SPATA6L: variants seen among roughly 807,000 people sequenced by gnomAD.
The protein encoded by SPATA6L is spermatogenesis associated 6 like.
SPATA6L carries 68 observed loss-of-function variants against 49.2 expected under a neutral mutation model. The ratio of observed to expected loss-of-function variants is 1.38; its 90% CI spans 1.14 to 1.69. SPATA6L has a LOEUF of 1.69. Among genes scored for constraint, SPATA6L ranks in the 40% most tolerant of loss-of-function variants. SPATA6L has a pLI of 0.00. For missense variants in SPATA6L, 668 were observed against 464.3 expected, an observed-to-expected ratio of 1.44 and a Z score of -4.03; for synonymous variants, 198 against 165.7, an observed-to-expected ratio of 1.19 and a Z score of -1.50.
At chr9:4,592,654 T>C (rs765451858) in intron 13 of SPATA6L, among the ~76,000 whole-genome samples, 1 of 152,212 alleles carries the variant, frequency 6.6e-6, no homozygotes, top group Non-Finnish European at 1.5e-5. Context: ...ATCTAAAATG[T>C]TCAAAGCAGA....
In SPATA6L at chr9:4,606,217, G is replaced by C. The variant is rs567977014; in HGVS notation, c.996-777C>G. 5.4e-4 allele frequency among the ~76,000 whole-genome samples: 80 copies of C among 149,506 alleles called. No homozygotes were observed. In the South Asian group the frequency reaches 6.0e-3, roughly 11 times the overall value. ...CAAACTGCAAGGCGGCAGCGAGGCT[G>C]GGGGAGGGGCGCCCGCCATTGCCCA... On this transcript the variant is annotated intron_variant, in intron 9 of 11. Coordinates refer to ENST00000682582, the MANE Select transcript of SPATA6L (RefSeq NM_001353486.2).
intron 9 of SPATA6L, among the ~76,000 whole-genome samples, chr9:4,609,493 A>G (rs1049005166): frequency 6.6e-6 from 1 of 152,186 alleles, no homozygotes; most frequent in African/African-American, 2.4e-5. Context: ...AGTTCAATAT[A>G]CGCAAATCAA....
rs1226567068 is a variant in SPATA6L, at chr9:4,662,183, C to T, written c.40-147G>A. Reference sequence around the variant, plus strand: ...CCTCACCTGTACCTCCCAACGCCAACATCCTCCCCTCTGCTCTCCTCACAT... The same window carrying T: ...CCTCACCTGTACCTCCCAACGCCAATATCCTCCCCTCTGCTCTCCTCACAT... On this transcript the variant is annotated intron_variant, in intron 1 of 11. Coordinates refer to ENST00000682582, the MANE Select transcript of SPATA6L (RefSeq NM_001353486.2). The surrounding 1 kb of genome is among the most constrained non-coding windows in gnomAD (Gnocchi z 4.9). 2 of 1,448,824 alleles carry T rather than the reference C, an allele frequency of 1.4e-6. No individual in the cohort carries two copies. The highest frequency in any genetic ancestry group is 1.4e-5 in the African/African-American group (1 of 70,154). 89.7% of individuals were successfully genotyped at this position (1,448,824 alleles called of 1,614,324 possible).
intron 3 of SPATA6L, among the ~76,000 whole-genome samples, chr9:4,655,343 T>C (rs1421664479): frequency 6.6e-6 from 1 of 152,150 alleles, no homozygotes. Flanking sequence ...TAAGCAAATC[T>C]ATACAGACGG....
Position 4,622,394 on chromosome 9 carries a change from A to G in SPATA6L, c.772+14T>C, listed in dbSNP as rs371280167. ...CATAGGGAAATGTACAGGAGTAACA[A>G]GAAACTCGAGTACCTCTTCTCGTTG... On this transcript the variant is annotated intron_variant, in intron 7 of 11. Transcript: ENST00000682582. 6.8e-5 allele frequency: 106 copies of G among 1,549,186 alleles called. No homozygotes were observed. Among genetic ancestry groups the G allele is most frequent in the Non-Finnish European group, 9.0e-5 (101 of 1,121,626 alleles).
intron 13 of SPATA6L, among the ~76,000 whole-genome samples, chr9:4,590,760 G>A (rs974745260): frequency 1.3e-5 from 2 of 152,084 alleles, no homozygotes; most frequent in African/African-American, 4.8e-5. Context: ...AAAAATGGAG[G>A]GAGGCAAATA....
chr9:4,610,879 A>T (rs963023425), intron 9 of SPATA6L, among the ~76,000 whole-genome samples: 1 of 151,622 alleles, frequency 6.6e-6, no homozygotes, highest in Non-Finnish European at 1.5e-5. Context: ...AATGGGAGAA[A>T]ATTTTTGCAA....
At position 4,605,357 on chromosome 9, in the gene SPATA6L, T is replaced by G; in HGVS notation, c.1079A>C (p.His360Pro). 2 of 1,613,630 alleles carry G rather than the reference T, an allele frequency of 1.2e-6. No homozygotes were observed. Among genetic ancestry groups the G allele is most frequent in the Non-Finnish European group, 1.7e-6 (2 of 1,179,568 alleles). ...SLLTSHRAQL[H>P]QNKEDSTSEV... ...ATAAGAAAGTCTAACCTTGTTTTGG[T>G]GCAGCTGTGCTCTGTGGGATGTCAG... Residue 360 changes from histidine (H) to proline (P), a missense_variant, in exon 10 of 12, where the codon CAC becomes CCC. Coordinates refer to ENST00000682582, the MANE Select transcript of SPATA6L (RefSeq NM_001353486.2).
chr9:4,594,080 C>T (rs977638886), downstream of SPATA6L, among the ~76,000 whole-genome samples: 5 of 152,210 alleles, frequency 3.3e-5, no homozygotes, highest in Admixed American at 1.3e-4. Context: ...AACCTCAGAT[C>T]CCCACCTCCA....
chr9:4,606,727 A>C lies in SPATA6L; in HGVS notation c.996-1287T>G, dbSNP rs533209047. Among the ~76,000 whole-genome samples, 909 of 144,066 alleles carry C rather than the reference A, an allele frequency of 6.3e-3. 16 individuals carry two copies. The highest frequency in any genetic ancestry group is 0.021 in the African/African-American group (777 of 37,524). 94.5% of individuals were successfully genotyped at this position (144,066 alleles called of 152,430 possible). The stretch of plus-strand genomic sequence containing the variant: ...AACAGAAAAACTGGAAACTCTAAAA[A>C]GCAGAGCGCCTCTCCTCCTCCAAAG... On this transcript the variant is annotated intron_variant, in intron 9 of 11. Coordinates refer to ENST00000682582, the MANE Select transcript of SPATA6L (RefSeq NM_001353486.2).
intron 2 of SPATA6L, among the ~76,000 whole-genome samples, chr9:4,657,422 G>T (rs1020459492): frequency 4.6e-5 from 7 of 152,006 alleles, no homozygotes; most frequent in African/African-American, 1.7e-4. Flanking sequence ...TTTGCAAATA[G>T]GGTCACTGCA....
chr9:4,663,371 T>C, intron 1 of SPATA6L: 1 of 1,188,512 alleles, frequency 8.4e-7, no homozygotes, highest in Non-Finnish European at 1.2e-6. Flanking sequence ...ATTTCAGGCT[T>C]CCTTTGGGAT....
chr9:4,625,541 G>C lies in SPATA6L; in HGVS notation c.455C>G (p.Pro152Arg), dbSNP rs1438762692. 2.5e-6 allele frequency: 4 copies of C among 1,587,874 alleles called. No individual in the cohort carries two copies. The highest frequency in any genetic ancestry group is 3.4e-6 in the Non-Finnish European group (4 of 1,168,734). ...FLEERHESRR[P>R]LSTSHEPIFP... The stretch of plus-strand genomic sequence containing the variant: ...TATTGGTTCATGTGATGTAGATAAA[G>C]GCCTCCGTGACTCATGTCTTTCTTC... The change falls in exon 6 of 12, where the codon CCT (proline) becomes CGT (arginine). Residue 152 changes from proline (P) to arginine (R), a missense_variant. Coordinates refer to ENST00000682582, the MANE Select transcript of SPATA6L (RefSeq NM_001353486.2).
chr9:4,658,632 G>A (rs930394790), intron 2 of SPATA6L, among the ~76,000 whole-genome samples: 2 of 152,164 alleles, frequency 1.3e-5, no homozygotes, highest in African/African-American at 4.8e-5. Context: ...AATCAAGGAG[G>A]TTGGAGTTAT....
In SPATA6L at chr9:4,662,912, G is replaced by A. The variant is rs141245641; in HGVS notation, c.40-876C>T. On this transcript the variant is annotated intron_variant, in intron 1 of 11. Transcript: ENST00000682582. The surrounding 1 kb of genome is among the most constrained non-coding windows in gnomAD (Gnocchi z 4.9). Reference sequence around the variant, plus strand: ...TCGCCCTGCTGTTGGACCTGCTGCTGGTGGCCTTGATCAAAGGGCTGGTCC... The same window carrying A: ...TCGCCCTGCTGTTGGACCTGCTGCTAGTGGCCTTGATCAAAGGGCTGGTCC... The A allele has an allele frequency of 3.0e-3, 4,770 of 1,609,756 alleles. 15 individuals carry two copies. The highest frequency in any genetic ancestry group is 3.6e-3 in the Non-Finnish European group (4,293 of 1,179,974).
At position 4,600,818 on chromosome 9, in the gene SPATA6L, T is replaced by G. The variant is rs1028319589; in HGVS notation, c.*2-9A>C. The G allele has an allele frequency of 1.3e-5, 2 of 152,206 alleles. No homozygotes were observed. The highest frequency in any genetic ancestry group is 2.9e-5 in the Non-Finnish European group (2 of 68,028). The allele number at this position is 152,206 out of a possible 1,614,324, so 9.4% of individuals were successfully genotyped here. On this transcript the variant is annotated splice_polypyrimidine_tract_variant and intron_variant, in intron 11 of 11. Transcript: ENST00000682582. ...GCTTTCATTAATTTCCCCTGCAAAATTTGAAACATCACATTCTACATGTGG... is the reference window on the plus strand; with the variant it reads ...GCTTTCATTAATTTCCCCTGCAAAAGTTGAAACATCACATTCTACATGTGG...
intron 2 of SPATA6L, 150 bp downstream of exon 2, chr9:4,661,749 T>TCCGACTGCGGTTTTGCTTCAAGG (rs60469456): frequency 0.34 from 267,602 of 796,660 alleles, 48,490 homozygotes; most frequent in African/African-American, 0.41. Context: ...AAGCAAGTGT[T>TCCGACTGCGGTTTTGCTTCAAGG]CCGACTGCGG....
At position 4,661,993 on chromosome 9, in the gene SPATA6L, T is replaced by C. The variant is rs1839898502; in HGVS notation, c.83A>G (p.Tyr28Cys). ...CTGATTCATGAGGTAGACCCCGAGGTACACATCTTGTTTGCCAGGCAGGAA... is the reference window on the plus strand; with the variant it reads ...CTGATTCATGAGGTAGACCCCGAGGCACACATCTTGTTTGCCAGGCAGGAA... ...GVFLPGKQDVYLGVYLMNQYL... is the reference protein window; with the variant it reads ...GVFLPGKQDVCLGVYLMNQYL... The change falls in exon 2 of 12, where the codon TAC (tyrosine) becomes TGC (cysteine). Residue 28 changes from tyrosine (Y) to cysteine (C), a missense_variant. Tyr to Cys is a radical substitution (Grantham distance 194, BLOSUM62 -2). Coordinates refer to ENST00000682582, the MANE Select transcript of SPATA6L (RefSeq NM_001353486.2). 6.2e-7 allele frequency: 1 copy of C among 1,613,998 alleles called. No individual in the cohort carries two copies. The highest frequency in any genetic ancestry group is 8.5e-7 in the Non-Finnish European group (1 of 1,179,986).
rs1364089139 is a variant in SPATA6L at position 4,617,964 on chromosome 9, G to A, written c.954C>T (p.Ser318=). The change falls in exon 9 of 12, where the codon TCC becomes TCT. Residue 318 remains serine (S), a synonymous_variant. Coordinates refer to ENST00000682582, the MANE Select transcript of SPATA6L (RefSeq NM_001353486.2). Reference sequence around the variant, plus strand: ...GCTGATCCAAGGGGCCAGGAGAGGTGGAATGCTGGTAGGTGGCAAATGAAG... The same window carrying A: ...GCTGATCCAAGGGGCCAGGAGAGGTAGAATGCTGGTAGGTGGCAAATGAAG... ...GKASFATYQH[S]TSPGPLDQPL... is the part of the protein sequence containing the mutation. The A allele has an allele frequency of 3.1e-6, 5 of 1,613,780 alleles. No homozygotes were observed. The highest frequency in any genetic ancestry group is 2.7e-5 in the African/African-American group (2 of 74,874).
Sources: gnomAD v4.1 joint callset for allele counts (sites outside exome capture counted in the v4.1 genomes callset) on GRCh38, gnomAD v4.1.1 for gene constraint, Gnocchi (gnomAD v3.1) non-coding constraint, MANE v1.5 for transcripts, NCBI Gene and HGNC (gene_info 2026-07-23, HGNC 2026-07-21) for gene names.